Variants in TRPM3 observed in about 807,000 individuals in gnomAD.
TRPM3 encodes long transient receptor potential channel 3.
Under a neutral mutation model 181.2 loss-of-function variants are expected in TRPM3, and 77 were observed. The ratio of observed to expected loss-of-function variants is 0.42; its 90% CI spans 0.35 to 0.51. The LOEUF is 0.51. Among genes scored for constraint, TRPM3 ranks in the 20% least tolerant of loss-of-function variants. The pLI is 0.01. For missense variants in TRPM3, 1,759 were observed against 2,196.7 expected, an observed-to-expected ratio of 0.80 and a Z score of 3.98; for synonymous variants, 745 against 796.4, an observed-to-expected ratio of 0.94 and a Z score of 1.09.
intron 1 of TRPM3, among the ~76,000 whole-genome samples, chr9:71,154,215 T>C (rs2075871839): frequency 6.6e-6 from 1 of 152,140 alleles, no homozygotes; most frequent in African/African-American, 2.4e-5. Flanking sequence ...ACCCAATAAC[T>C]TTTTAAAATA....
chr9:71,249,937 A>G (rs192156032), intron 1 of TRPM3, among the ~76,000 whole-genome samples: 8 of 152,360 alleles, frequency 5.3e-5, no homozygotes, highest in African/African-American at 1.9e-4. Flanking sequence ...AGACATCACC[A>G]TCTGGTGGTC....
At chr9:71,406,812 G>A (rs1001781569) in intron 1 of TRPM3, among the ~76,000 whole-genome samples, 14 of 152,070 alleles carry the variant, frequency 9.2e-5, no homozygotes, top group African/African-American at 3.4e-4. Flanking sequence ...GAGGGATCAA[G>A]GATTGAACTC....
At chr9:70,742,260 C>T (rs2074285094) in intron 8 of TRPM3, among the ~76,000 whole-genome samples, 1 of 151,592 alleles carries the variant, frequency 6.6e-6, no homozygotes, top group Non-Finnish European at 1.5e-5. Flanking sequence ...GATTATTTAC[C>T]TTTCTCATGT....
intron 1 of TRPM3, among the ~76,000 whole-genome samples, chr9:71,274,619 G>C (rs1220969103): frequency 2.6e-5 from 4 of 152,186 alleles, no homozygotes; most frequent in Non-Finnish European, 1.5e-5. Flanking sequence ...ACTGCACACA[G>C]AGAAAGCCAG....
intron 6 of TRPM3, among the ~76,000 whole-genome samples, chr9:70,819,669 T>C (rs564929): frequency 0.62 from 93,968 of 152,068 alleles, 29,251 homozygotes; most frequent in Middle Eastern, 0.75. Flanking sequence ...AATAGGTATA[T>C]CTGTAAGGTC....
intron 1 of TRPM3, among the ~76,000 whole-genome samples, chr9:71,314,754 C>T (rs1312443597): frequency 2.0e-5 from 3 of 151,918 alleles, no homozygotes; most frequent in African/African-American, 7.3e-5. Flanking sequence ...AATTTGAGGG[C>T]CCTGGGCTGC....
intron 6 of TRPM3, among the ~76,000 whole-genome samples, chr9:70,786,934 T>G (rs1221305230): frequency 6.6e-6 from 1 of 152,136 alleles, no homozygotes; most frequent in Non-Finnish European, 1.5e-5. Flanking sequence ...ATCCACTCAG[T>G]GTTCTCGTGG....
intron 7 of TRPM3, among the ~76,000 whole-genome samples, chr9:70,771,920 C>T (rs1016031041): frequency 3.3e-5 from 5 of 152,156 alleles, no homozygotes; most frequent in African/African-American, 1.2e-4. Flanking sequence ...AAAGGCTCCA[C>T]AAAGGCAGGG....
At chr9:71,216,369 G>T (rs1253697391) in intron 1 of TRPM3, among the ~76,000 whole-genome samples, 1 of 152,186 alleles carries the variant, frequency 6.6e-6, no homozygotes, top group African/African-American at 2.4e-5. Flanking sequence ...TTCATGGTGA[G>T]AGGCAAAGGA....
At chr9:71,011,432 CA>C (rs1019076974) in intron 1 of TRPM3, among the ~76,000 whole-genome samples, 3 of 151,924 alleles carry the variant, frequency 2.0e-5, no homozygotes, top group South Asian at 4.1e-4. Context: ...CAATTATAAA[CA>C]AAAAATCATT....
At chr9:71,038,524 A>G (rs577222946) in intron 1 of TRPM3, among the ~76,000 whole-genome samples, 3 of 151,940 alleles carry the variant, frequency 2.0e-5, no homozygotes, top group East Asian at 1.9e-4. Flanking sequence ...CTCCCTAACA[A>G]TATCTTTCCC....
chr9:70,866,052 C>T (rs1162702987), intron 1 of TRPM3, among the ~76,000 whole-genome samples: 2 of 151,970 alleles, frequency 1.3e-5, no homozygotes, highest in Admixed American at 6.6e-5. Flanking sequence ...CTCTTTGTAA[C>T]AAAAATGAGC....
At chr9:71,248,117 T>C (rs2082140484) in intron 1 of TRPM3, among the ~76,000 whole-genome samples, 1 of 152,200 alleles carries the variant, frequency 6.6e-6, no homozygotes, top group Non-Finnish European at 1.5e-5. Context: ...CTCCAATAAT[T>C]GGAAACGTAA....
intron 1 of TRPM3, among the ~76,000 whole-genome samples, chr9:70,877,335 T>C (rs2095885812): frequency 4.7e-5 from 7 of 148,014 alleles, no homozygotes; most frequent in Admixed American, 2.0e-4. Flanking sequence ...ATAAAAAAGA[T>C]AGAAGGGTAA....
chr9:71,069,457 G>A (rs774881162), intron 1 of TRPM3, among the ~76,000 whole-genome samples: 7 of 152,124 alleles, frequency 4.6e-5, no homozygotes, highest in Admixed American at 2.6e-4. Flanking sequence ...GATTACAGGC[G>A]TGAGCCACCG....
chr9:70,628,313 C>G (rs921657115), intron 12 of TRPM3, among the ~76,000 whole-genome samples: 3 of 152,324 alleles, frequency 2.0e-5, no homozygotes, highest in African/African-American at 7.2e-5. Context: ...AGTTTCCAGT[C>G]AGCTGCCCCG....
At chr9:71,344,174 G>A (rs932991031) in intron 1 of TRPM3, among the ~76,000 whole-genome samples, 3 of 152,148 alleles carry the variant, frequency 2.0e-5, no homozygotes, top group Non-Finnish European at 4.4e-5. Context: ...GGGCAGCTGG[G>A]CACGGTGGCT....
chr9:71,134,623 C>T lies in TRPM3; in HGVS notation c.184-270112G>A, dbSNP rs188696994. On this transcript the variant is annotated intron_variant, in intron 1 of 24. Coordinates refer to the TRPM3 transcript ENST00000357533. ...CTCCATAAATTAAAGAATCCAAATG[C>T]CTTCAAATCCCTGTCACCTTAGTCT... Among the ~76,000 whole-genome samples, 72 of 151,782 alleles carry T rather than the reference C, an allele frequency of 4.7e-4. 1 individual carries two copies. Among genetic ancestry groups the T allele is most frequent in the African/African-American group, 1.3e-3 (55 of 41,388 alleles).
intron 1 of TRPM3, among the ~76,000 whole-genome samples, chr9:71,236,937 C>T (rs2081380836): frequency 6.6e-6 from 1 of 150,462 alleles, no homozygotes; most frequent in Admixed American, 6.7e-5. Context: ...ATCCCAGCTA[C>T]TTGGGAGGCT....
Sources: allele counts gnomAD v4.1 joint callset (sites outside exome capture counted in the v4.1 genomes callset), GRCh38; gene constraint gnomAD v4.1.1; transcripts MANE v1.5; gene names NCBI Gene and HGNC (gene_info 2026-07-23, HGNC 2026-07-21).